The following CDC27 variants were observed in gnomAD, a reference collection of about 807,000 sequenced individuals.
The protein encoded by CDC27 is cell division cycle 27.
In CDC27, 27 loss-of-function variants were observed where a neutral mutation model predicts 109.7. The observed-to-expected ratio is 0.25, with a 90% confidence interval of 0.18 to 0.34. CDC27 has a LOEUF of 0.34. CDC27 is among the 10% of genes least tolerant of loss of function. CDC27 has a pLI of 1.00. For missense variants in CDC27, 579 were observed against 960.2 expected (o/e 0.60, Z 5.25); for synonymous variants, 266 against 333.9 (o/e 0.80, Z 2.22).
At chr17:47,173,453 T>G (rs1163312664) in intron 2 of CDC27, among the ~76,000 whole-genome samples, 1 of 152,108 alleles carries the variant, frequency 6.6e-6, no homozygotes, top group East Asian at 1.9e-4. Flanking sequence ...CTAATTTACA[T>G]AAGTTAGAAA....
At position 47,158,206 on chromosome 17, in the gene CDC27, C is replaced by A; in HGVS notation, c.475G>T (p.Gly159Cys). Residue 159 changes from glycine (G) to cysteine (C), a missense_variant and splice_region_variant, in exon 5 of 19, where the codon GGT (glycine) becomes TGT (cysteine). Transcript: ENST00000066544. ...CCACCTCTCAACCCCACCCACCTAC[C>A]TATTTCACATAATGATTCAAAGGGA... ...WSPFESLCEI[G>C]EKPDPDQTFK... 6.8e-7 allele frequency: 1 copy of A among 1,480,284 alleles called. No homozygotes were observed. The allele number at this position is 1,480,284 out of a possible 1,614,324, so 91.7% of individuals were successfully genotyped here.
At chr17:47,184,691 C>A (rs187955769) in intron 1 of CDC27, among the ~76,000 whole-genome samples, 2 of 152,330 alleles carry the variant, frequency 1.3e-5, no homozygotes, top group Non-Finnish European at 2.9e-5. Flanking sequence ...TCTCGAGAAT[C>A]TCACATACTG....
At chr17:47,151,505 T>A (rs770934538) in intron 9 of CDC27, among the ~76,000 whole-genome samples, 17 of 152,148 alleles carry the variant, frequency 1.1e-4, no homozygotes, top group Non-Finnish European at 2.1e-4. Context: ...GGAAGGGGAG[T>A]ATGAAACCTA....
chr17:47,178,783 T>C (rs1000141689), intron 2 of CDC27, among the ~76,000 whole-genome samples: 3 of 152,086 alleles, frequency 2.0e-5, no homozygotes, highest in African/African-American at 7.2e-5. Flanking sequence ...AATGAGTATC[T>C]GAATTCAGAT....
chr17:47,157,269 C>T lies in CDC27; in HGVS notation c.591G>A (p.Gln197=), dbSNP rs1308664709. The change falls in exon 6 of 19, where the codon CAG becomes CAA. Residue 197 remains glutamine, a synonymous_variant. Transcript: ENST00000066544. The stretch of plus-strand genomic sequence containing the variant: ...GTGTTTCCGTAAGAACTGTCTCAGG[C>T]TGTCTGTGAGATAAACTATGATTAG... ...QVPNHSLSHR[Q]PETVLTETPQ... 8 of 1,612,806 alleles carry T rather than the reference C, an allele frequency of 5.0e-6. No homozygotes were observed. Among genetic ancestry groups the T allele is most frequent in the Non-Finnish European group, 6.8e-6 (8 of 1,179,664 alleles).
At chr17:47,181,376 T>C (rs1247579696) in intron 2 of CDC27, 186 bp downstream of exon 2, 2 of 296,298 alleles carry the variant, frequency 6.7e-6, no homozygotes, top group Non-Finnish European at 1.3e-5. Context: ...GAATCAATTC[T>C]ACATAGTTAT....
At chr17:47,121,357 C>T (rs2061977745) in intron 18 of CDC27, among the ~76,000 whole-genome samples, 1 of 152,058 alleles carries the variant, frequency 6.6e-6, no homozygotes, top group Non-Finnish European at 1.5e-5. Flanking sequence ...ATCACTGACT[C>T]CACTTTAAGA....
intron 7 of CDC27, among the ~76,000 whole-genome samples, chr17:47,156,184 G>C (rs915398173): frequency 7.2e-5 from 11 of 152,004 alleles, no homozygotes; most frequent in Admixed American, 3.9e-4. Flanking sequence ...TGTCTCCCAG[G>C]CTGGAGTGCA....
intron 2 of CDC27, among the ~76,000 whole-genome samples, chr17:47,179,996 C>T (rs1469728120): frequency 1.3e-5 from 2 of 152,098 alleles, no homozygotes; most frequent in African/African-American, 4.8e-5. Flanking sequence ...AGTACAGTGG[C>T]TCACATCTGT....
chr17:47,138,986 T>C (rs1382899158), intron 12 of CDC27, 95 bp from the exon 13 acceptor site: 1 of 788,102 alleles, frequency 1.3e-6, no homozygotes. Flanking sequence ...AGGATCTAAA[T>C]GCTGCCTTGT....
At chr17:47,176,710 C>G (rs994010181) in intron 2 of CDC27, among the ~76,000 whole-genome samples, 1 of 151,952 alleles carries the variant, frequency 6.6e-6, no homozygotes, top group Non-Finnish European at 1.5e-5. Context: ...AGGCAGGGAA[C>G]GGGAGATAAG....
Position 47,159,717 on chromosome 17 carries a change from G to A in CDC27, c.378-1414C>T, listed in dbSNP as rs142246099. The stretch of plus-strand genomic sequence containing the variant: ...ACAAACGCCTCGAACCTGGTGCCCT[G>A]GCTGGCACGGGTCTGCTTCTGCACC... On this transcript the variant is annotated intron_variant, in intron 4 of 18. Transcript: ENST00000066544. 2,837 of 412,956 alleles carry A rather than the reference G, an allele frequency of 6.9e-3. 23 individuals carry two copies. The highest frequency in any genetic ancestry group is 8.5e-3 in the Non-Finnish European group (1,862 of 219,952). The allele number at this position is 412,956 out of a possible 1,614,324, so 25.6% of individuals were successfully genotyped here. A position where few individuals can be genotyped will look rare whatever the true frequency, so the allele number is the denominator to read the frequency against.
intron 2 of CDC27, among the ~76,000 whole-genome samples, chr17:47,178,235 T>C (rs2064089562): frequency 6.6e-6 from 1 of 151,886 alleles, no homozygotes; most frequent in Admixed American, 6.6e-5. Context: ...TCATATCTAA[T>C]AAGGGTAAAA....
At chr17:47,134,480 T>TTTTTG (rs576184074) in intron 14 of CDC27, among the ~76,000 whole-genome samples, 2,824 of 151,544 alleles carry the variant, frequency 0.019, 75 homozygotes, top group African/African-American at 0.064. Flanking sequence ...AATTGTTTTT[T>TTTTTG]TTTTGTTTTG....
intron 7 of CDC27, among the ~76,000 whole-genome samples, chr17:47,155,648 A>G (rs1475217693): frequency 1.3e-5 from 2 of 152,278 alleles, no homozygotes; most frequent in Non-Finnish European, 2.9e-5. Flanking sequence ...TTTTGATAAA[A>G]TATTTTATAT....
intron 1 of CDC27, chr17:47,188,642 G>A (rs1214224973): frequency 3.7e-6 from 2 of 543,288 alleles, no homozygotes; most frequent in Non-Finnish European, 4.7e-6. Flanking sequence ...GGGATAGGAA[G>A]TCTGTTACCA....
At chr17:47,171,591 A>C (rs1329948148) in intron 3 of CDC27, among the ~76,000 whole-genome samples, 2 of 152,232 alleles carry the variant, frequency 1.3e-5, no homozygotes, top group African/African-American at 2.4e-5. Context: ...CTTAATCTCA[A>C]GTGAGCTGGT....
intron 4 of CDC27, 31 bp from the exon 5 acceptor site, chr17:47,158,334 C>T: frequency 8.6e-7 from 1 of 1,163,280 alleles, no homozygotes; most frequent in Non-Finnish European, 1.2e-6. Context: ...ATTAAATAAG[C>T]TACAAACCCC....
Position 47,141,901 on chromosome 17 carries a change from T to C in CDC27, c.1503A>G (p.Val501=). ...LPSHHYNTGW[V]LCQIGRAYFE... ...AATAGGCCCTTCCAATTTGGCACAG[T>C]ACCCAACCAGTATTGTAGTGGTGAG... is the stretch of plus-strand genomic sequence containing the variant. Residue 501 remains valine (V), a synonymous_variant, in exon 12 of 19, where the codon GTA becomes GTG. Coordinates refer to ENST00000066544, the MANE Select transcript of CDC27 (RefSeq NM_001256.6). 6.2e-7 allele frequency: 1 copy of C among 1,605,704 alleles called. No homozygotes were observed. Among genetic ancestry groups the C allele is most frequent in the African/African-American group, 1.3e-5 (1 of 74,656 alleles).
Sources: gnomAD v4.1 joint callset for allele counts (sites outside exome capture counted in the v4.1 genomes callset) on GRCh38, gnomAD v4.1.1 for gene constraint, MANE v1.5 for transcripts, NCBI Gene and HGNC (gene_info 2026-07-23, HGNC 2026-07-21) for gene names.